GPATCH11: variants seen among roughly 807,000 people sequenced by gnomAD.
GPATCH11 encodes the protein G patch domain-containing protein 11.
A neutral mutation model predicts 44.8 loss-of-function variants in GPATCH11; 32 were observed. That is an observed-to-expected ratio of 0.71 (90% CI 0.54 to 0.96). The LOEUF (loss-of-function observed/expected upper bound fraction) is 0.96, where lower values mean the gene tolerates loss of function less well. Among genes scored for constraint, GPATCH11 ranks in the 40% least tolerant of loss-of-function variants. The pLI is 0.00. For missense variants in GPATCH11, 324 were observed against 303.1 expected, an observed-to-expected ratio of 1.07 and a Z score of -0.51; for synonymous variants, 84 against 94.4, an observed-to-expected ratio of 0.89 and a Z score of 0.64.
rs1355182227 is a variant in GPATCH11 at position 37,097,134 on chromosome 2, T to A, written c.*871T>A. 2.0e-5 allele frequency: 3 copies of A among 152,200 alleles called. No individual in the cohort carries two copies. Among genetic ancestry groups the A allele is most frequent in the Non-Finnish European group, 2.9e-5 (2 of 68,034 alleles). 9.4% of individuals were successfully genotyped at this position (152,200 alleles called of 1,614,324 possible). Reference sequence around the variant, plus strand: ...TAATTGTGAGGAAATTTAAATATTGTGTGATGCAAGTACTTACTGAATTTG... The same window carrying A: ...TAATTGTGAGGAAATTTAAATATTGAGTGATGCAAGTACTTACTGAATTTG... On this transcript the variant is annotated 3_prime_UTR_variant, in exon 9 of 9. Coordinates refer to ENST00000674370, the MANE Select transcript of GPATCH11 (RefSeq NM_174931.4).
rs1673712655 is a variant in GPATCH11 at position 37,098,571 on chromosome 2, C to T, written c.*2308C>T. The T allele has an allele frequency of 6.6e-6, 1 of 152,112 alleles. No homozygotes were observed. The highest frequency in any genetic ancestry group is 2.4e-5 in the African/African-American group (1 of 41,406). The allele number at this position is 152,112 out of a possible 1,614,324, so 9.4% of individuals were successfully genotyped here. A position where few individuals can be genotyped will look rare whatever the true frequency, so the allele number is the denominator to read the frequency against. ...CCTGTTACTATGAGGACAACCCACA[C>T]CTGCTCAGTGGCCTAAAATATTTTA... is the stretch of plus-strand genomic sequence containing the variant. On this transcript the variant is annotated 3_prime_UTR_variant, in exon 9 of 9. Coordinates refer to ENST00000674370, the MANE Select transcript of GPATCH11 (RefSeq NM_174931.4).
At chr2:37,096,135 G>A (rs1229630918) in intron 8 of GPATCH11, 73 bp from the exon 9 acceptor site, 4 of 913,722 alleles carry the variant, frequency 4.4e-6, no homozygotes, top group Non-Finnish European at 6.7e-6. Flanking sequence ...AAAAATGCAT[G>A]TTATGTTGAA....
intron 1 of GPATCH11, among the ~76,000 whole-genome samples, chr2:37,086,495 T>G (rs1673056088): frequency 6.6e-6 from 1 of 152,096 alleles, no homozygotes; most frequent in Non-Finnish European, 1.5e-5. Flanking sequence ...AGATATACAT[T>G]AAAAATATAA....
intron 4 of GPATCH11, 98 bp downstream of exon 4, chr2:37,090,820 A>G (rs1572979456): frequency 1.6e-6 from 1 of 623,934 alleles, no homozygotes; most frequent in African/African-American, 1.9e-5. Flanking sequence ...TTAAATGATA[A>G]TACTGTTACA....
At chr2:37,092,099 A>G in intron 5 of GPATCH11, 63 bp downstream of exon 5, 1 of 1,579,758 alleles carries the variant, frequency 6.3e-7, no homozygotes, top group Non-Finnish European at 8.6e-7. Context: ...GTTCTCTGGT[A>G]CTTGGGCATA....
At position 37,092,627 on chromosome 2, in the gene GPATCH11, G is replaced by T. The variant is rs185397934; in HGVS notation, c.540+372G>T. Among the ~76,000 whole-genome samples the T allele has an allele frequency of 2.3e-3, 350 of 150,294 alleles. 2 individuals carry two copies. Among genetic ancestry groups the T allele is most frequent in the African/African-American group, 8.2e-3 (336 of 41,038 alleles). On this transcript the variant is annotated intron_variant, in intron 6 of 8. Coordinates refer to ENST00000674370, the MANE Select transcript of GPATCH11 (RefSeq NM_174931.4). ...TACTATAGTAACCTGAGTTGTCTGG[G>T]TTACTATAAAACCCAGGGTTTTATA...
chr2:37,084,568 CA>C lies in GPATCH11; in HGVS notation c.-15del. The C allele has an allele frequency of 8.1e-7, 1 of 1,232,296 alleles. No individual in the cohort carries two copies. The highest frequency in any genetic ancestry group is 1.0e-6 in the Non-Finnish European group (1 of 988,064). 76.3% of individuals were successfully genotyped at this position (1,232,296 alleles called of 1,614,324 possible). ...TGAACCGGGGCGAGCAGAGAGCTGT[CA>C]GGTAAGAGAGCTGTCAGGTAAGGGT... On this transcript the variant is annotated splice_region_variant and 5_prime_UTR_variant, in exon 1 of 9. Coordinates refer to ENST00000674370, the MANE Select transcript of GPATCH11 (RefSeq NM_174931.4).
chr2:37,094,284 T>G, intron 7 of GPATCH11, 89 bp downstream of exon 7: 1 of 789,070 alleles, frequency 1.3e-6, no homozygotes, highest in East Asian at 2.8e-5. Context: ...TGTGGAGAGC[T>G]GTCCTGTGCA....
intron 4 of GPATCH11, 112 bp downstream of exon 4, chr2:37,090,834 C>G (rs1350655038): frequency 2.6e-5 from 15 of 571,512 alleles, no homozygotes; most frequent in Non-Finnish European, 4.6e-5. Flanking sequence ...TGTTACAGTT[C>G]AGTAAAATTT....
chr2:37,096,092 G>T, intron 8 of GPATCH11, 116 bp from the exon 9 acceptor site: 1 of 657,246 alleles, frequency 1.5e-6, no homozygotes, highest in Admixed American at 3.5e-5. Context: ...TATCTTTTCT[G>T]GTTTAGCAGA....
intron 7 of GPATCH11, among the ~76,000 whole-genome samples, chr2:37,094,603 G>A (rs1673482263): frequency 6.6e-6 from 1 of 152,026 alleles, no homozygotes; most frequent in African/African-American, 2.4e-5. Flanking sequence ...TCATTCTAAT[G>A]TGTACTTTTT....
intron 4 of GPATCH11, among the ~76,000 whole-genome samples, chr2:37,091,287 G>T (rs1673305476): frequency 6.6e-6 from 1 of 151,244 alleles, no homozygotes; most frequent in African/African-American, 2.4e-5. Context: ...TTGCGCCATT[G>T]CACTCCAGCC....
chr2:37,087,559 T>G (rs1236170417), intron 1 of GPATCH11, among the ~76,000 whole-genome samples: 2 of 152,234 alleles, frequency 1.3e-5, no homozygotes, highest in Non-Finnish European at 2.9e-5. Context: ...AATTACATGA[T>G]TTTAACTATT....
At position 37,094,148 on chromosome 2, in the gene GPATCH11, G is replaced by T. The variant is rs754953692; in HGVS notation, c.607G>T (p.Glu203Ter). ...TGAAGAGGAGACTGAAGAAGATGAA[G>T]AAGAAAAAGAACAGGATGAAGATGA... ...RLEEETEEDE[E>*]EKEQDEDEYK... Residue 203 changes from glutamate to a stop codon, truncating the protein, a stop_gained, in exon 7 of 9, where the codon GAA (glutamate) becomes TAA (stop). Coordinates refer to ENST00000674370, the MANE Select transcript of GPATCH11 (RefSeq NM_174931.4). LOFTEE classifies it high-confidence loss of function. 2.3e-5 allele frequency: 37 copies of T among 1,582,516 alleles called. No homozygotes were observed. The highest frequency in any genetic ancestry group is 3.2e-5 in the Non-Finnish European group (37 of 1,163,244).
chr2:37,086,373 A>G (rs571783547), intron 1 of GPATCH11, among the ~76,000 whole-genome samples: 36 of 152,358 alleles, frequency 2.4e-4, no homozygotes, highest in Non-Finnish European at 4.9e-4. Flanking sequence ...TTTTATCCTC[A>G]TTGTTGCTAA....
chr2:37,089,496 GGCGGAGGTTGCA>G, intron 2 of GPATCH11, 132 bp from the exon 3 acceptor site: 1 of 633,928 alleles, frequency 1.6e-6, no homozygotes, highest in Non-Finnish European at 2.7e-6. Context: ...GAACCCAGGA[GGCGGAGGTTGCA>G]GTGAGCCAAG....
chr2:37,095,506 A>G lies in GPATCH11; in HGVS notation c.724A>G (p.Thr242Ala), dbSNP rs1673532453. 6.2e-7 allele frequency: 1 copy of G among 1,600,940 alleles called. No homozygotes were observed. The highest frequency in any genetic ancestry group is 1.3e-5 in the African/African-American group (1 of 74,284). Residue 242 changes from threonine (T) to alanine (A), a missense_variant, in exon 8 of 9, where the codon ACA becomes GCA. Thr to Ala is a moderately conservative substitution (Grantham distance 58). Coordinates refer to ENST00000674370, the MANE Select transcript of GPATCH11 (RefSeq NM_174931.4). ...EEHLYCIWCG[T>A]AYEDKEDLSS... The stretch of plus-strand genomic sequence containing the variant: ...ACATCTATATTGTATTTGGTGTGGA[A>G]CAGCCTATGAAGGTAAGAAAATTAC...
chr2:37,090,017 G>A (rs759488706), intron 3 of GPATCH11, among the ~76,000 whole-genome samples, 151 bp downstream of exon 3: 1 of 152,194 alleles, frequency 6.6e-6, no homozygotes, highest in East Asian at 1.9e-4. Flanking sequence ...GCCTTATGGA[G>A]AGCTTTTCAT....
intron 3 of GPATCH11, among the ~76,000 whole-genome samples, chr2:37,090,389 T>C (rs751644916): frequency 6.6e-6 from 1 of 152,216 alleles, no homozygotes. Flanking sequence ...ATTGCTTTGC[T>C]TTCACTTAAG....
Sources: gnomAD v4.1 joint callset for allele counts (sites outside exome capture counted in the v4.1 genomes callset) on GRCh38, gnomAD v4.1.1 for gene constraint, MANE v1.5 for transcripts, NCBI Gene and HGNC (gene_info 2026-07-23, HGNC 2026-07-21) for gene names.